The following IQCM variants were observed in gnomAD, a reference collection of about 807,000 sequenced individuals.
The protein encoded by IQCM is IQ motif containing M.
In IQCM, 45 loss-of-function variants were observed where a neutral mutation model predicts 57.6. That is an observed-to-expected ratio of 0.78 (90% confidence interval 0.62 to 1.00). IQCM has a LOEUF of 1.00. Ranked by LOEUF, IQCM falls within the 50% of genes least tolerant of loss-of-function variation. IQCM has a pLI of 0.00. For synonymous variants in IQCM, 148 were observed against 158.9 expected (o/e 0.93, Z 0.51); for missense variants, 468 against 511.6 (o/e 0.91, Z 0.82).
At chr4:149,726,265 C>A (rs1325474798) in intron 5 of IQCM, among the ~76,000 whole-genome samples, 1 of 152,082 alleles carries the variant, frequency 6.6e-6, no homozygotes, top group Admixed American at 6.5e-5. Context: ...CGGTCCCATC[C>A]TACCCTCAAG....
chr4:149,441,058 A>G (rs1193810988), intron 12 of IQCM, among the ~76,000 whole-genome samples: 1 of 152,190 alleles, frequency 6.6e-6, no homozygotes, highest in African/African-American at 2.4e-5. Flanking sequence ...AGACACAATA[A>G]GAGCAAAGAT....
At chr4:149,793,739 A>T (rs1772854215) in intron 2 of IQCM, 1 of 152,180 alleles carries the variant, frequency 6.6e-6, no homozygotes, top group African/African-American at 2.4e-5. Flanking sequence ...AAGAGAGGGA[A>T]AAAAAACCTA....
intron 8 of IQCM, among the ~76,000 whole-genome samples, chr4:149,619,380 G>A (rs1337298548): frequency 2.0e-5 from 3 of 151,972 alleles, no homozygotes; most frequent in Non-Finnish European, 4.4e-5. Flanking sequence ...TGTGTACAAT[G>A]TACATTATTC....
chr4:149,453,267 G>T (rs1737330382), intron 12 of IQCM, among the ~76,000 whole-genome samples: 1 of 151,688 alleles, frequency 6.6e-6, no homozygotes. Context: ...GGAAAGACAG[G>T]AGTAAATTTT....
chr4:149,706,639 T>C (rs889013782), intron 5 of IQCM, among the ~76,000 whole-genome samples: 1 of 152,006 alleles, frequency 6.6e-6, no homozygotes, highest in Admixed American at 6.6e-5. Context: ...AAACCAAACT[T>C]GAGAACATAT....
At position 149,541,769 on chromosome 4, in the gene IQCM, G is replaced by GA. The variant is rs957214399; in HGVS notation, c.1228+6685dup. ...TACCATAGTGATAAGAATAAAGAAT[G>GA]AAAAAAAAAGAGCTAAAAATAACTG... On this transcript the variant is annotated intron_variant, in intron 12 of 13. Transcript: ENST00000636793. Among the ~76,000 whole-genome samples, 16 of 149,646 alleles carry GA rather than the reference G, an allele frequency of 1.1e-4. No homozygotes were observed. In the East Asian group the frequency reaches 1.2e-3, roughly 11 times the overall value.
chr4:149,449,984 T>C (rs1270649623), intron 12 of IQCM, among the ~76,000 whole-genome samples: 1 of 151,606 alleles, frequency 6.6e-6, no homozygotes, highest in Non-Finnish European at 1.5e-5. Flanking sequence ...GTAACCAAAA[T>C]AGCATGATAC....
At chr4:149,765,839 A>G (rs931423517) in intron 2 of IQCM, among the ~76,000 whole-genome samples, 5 of 151,918 alleles carry the variant, frequency 3.3e-5, no homozygotes, top group Non-Finnish European at 7.4e-5. Flanking sequence ...GACTGAAACC[A>G]CCCAGATCCA....
At chr4:149,661,011 C>A (rs1400184027) in intron 7 of IQCM, among the ~76,000 whole-genome samples, 1 of 151,748 alleles carries the variant, frequency 6.6e-6, no homozygotes, top group Non-Finnish European at 1.5e-5. Context: ...AAATAAAAAA[C>A]TAAAAATAAA....
At chr4:149,479,651 C>G (rs886782069) in intron 12 of IQCM, among the ~76,000 whole-genome samples, 6 of 152,274 alleles carry the variant, frequency 3.9e-5, no homozygotes, top group African/African-American at 1.2e-4. Flanking sequence ...CTGAACAAGT[C>G]AGATCTAAAG....
intron 13 of IQCM, among the ~76,000 whole-genome samples, chr4:149,382,332 T>G (rs1019374268): frequency 6.6e-6 from 1 of 152,128 alleles, no homozygotes; most frequent in Non-Finnish European, 1.5e-5. Context: ...CTGCCCTATT[T>G]CAGTGGAATA....
At chr4:149,624,091 A>C (rs1032320185) in intron 7 of IQCM, among the ~76,000 whole-genome samples, 1 of 151,794 alleles carries the variant, frequency 6.6e-6, no homozygotes, top group African/African-American at 2.4e-5. Context: ...TTGAGACTTA[A>C]AAGTCTTTCA....
chr4:149,726,140 A>G (rs906444697), intron 5 of IQCM, among the ~76,000 whole-genome samples: 18 of 130,832 alleles, frequency 1.4e-4, no homozygotes, highest in Non-Finnish European at 1.8e-4. Flanking sequence ...AGAAAGAAAG[A>G]AAAGAAAGAA....
At chr4:149,510,867 T>C (rs1474713381) in intron 12 of IQCM, among the ~76,000 whole-genome samples, 3 of 152,222 alleles carry the variant, frequency 2.0e-5, no homozygotes, top group Admixed American at 2.0e-4. Flanking sequence ...TCACTGATGG[T>C]AGTAACCTTG....
chr4:149,501,102 C>T (rs766870156), intron 12 of IQCM, among the ~76,000 whole-genome samples: 1 of 152,152 alleles, frequency 6.6e-6, no homozygotes, highest in Non-Finnish European at 1.5e-5. Context: ...TGCTCACATG[C>T]GGTTACTTCC....
intron 7 of IQCM, among the ~76,000 whole-genome samples, chr4:149,654,289 C>T (rs986266745): frequency 1.3e-5 from 2 of 152,022 alleles, no homozygotes; most frequent in African/African-American, 4.8e-5. Flanking sequence ...GAAATGTGAT[C>T]CCCATTGTTG....
At chr4:149,713,102 G>A (rs2149835800) in intron 5 of IQCM, among the ~76,000 whole-genome samples, 1 of 152,092 alleles carries the variant, frequency 6.6e-6, no homozygotes, top group South Asian at 2.1e-4. Context: ...AAAACATAGA[G>A]GCTACTTGAA....
chr4:149,599,987 G>GTTGA (rs3057349), intron 8 of IQCM, among the ~76,000 whole-genome samples: 65,870 of 151,650 alleles, frequency 0.43, 14,639 homozygotes, highest in South Asian at 0.58. Context: ...AACTATGCAA[G>GTTGA]TTATTTGCTT....
chr4:149,564,420 G>A lies in IQCM; in HGVS notation c.750-530C>T, dbSNP rs117399533. ...GCAAACGATGACCAGTCTGCAATACGGCTATGGGTGACTGTGGTAGTTAAT... is the reference window on the plus strand; with the variant it reads ...GCAAACGATGACCAGTCTGCAATACAGCTATGGGTGACTGTGGTAGTTAAT... On this transcript the variant is annotated intron_variant, in intron 9 of 13. Coordinates refer to ENST00000636793, the MANE Select transcript of IQCM (RefSeq NM_001363507.2). 3.5e-3 allele frequency among the ~76,000 whole-genome samples: 532 copies of A among 152,272 alleles called. 10 individuals are homozygous for A. Among genetic ancestry groups the A allele is most frequent in the Admixed American group, 0.028 (421 of 15,290 alleles).
Sources: allele counts gnomAD v4.1 joint callset (sites outside exome capture counted in the v4.1 genomes callset), GRCh38; gene constraint gnomAD v4.1.1; transcripts MANE v1.5; gene names NCBI Gene and HGNC (gene_info 2026-07-23, HGNC 2026-07-21).